Variants in PTP4A1 observed in about 807,000 individuals in gnomAD.
PTP4A1 encodes protein tyrosine phosphatase 4A1.
PTP4A1 carries 9 observed loss-of-function variants against 20.5 expected under a neutral mutation model. The ratio of observed to expected loss-of-function variants is 0.44; its 90% CI spans 0.26 to 0.77. PTP4A1 has a LOEUF of 0.77. Among genes scored for constraint, PTP4A1 ranks in the 30% least tolerant of loss-of-function variants. The pLI, the probability that PTP4A1 is intolerant of heterozygous loss-of-function variation, is 0.19. For synonymous variants in PTP4A1, 78 were observed against 67.4 expected (o/e 1.16, Z -0.77); for missense variants, 137 against 218.8 (o/e 0.63, Z 2.36).
At chr6:63,525,778 G>A (rs763901399) in intron 1 of PTP4A1, among the ~76,000 whole-genome samples, 22 of 152,020 alleles carry the variant, frequency 1.4e-4, no homozygotes, top group Non-Finnish European at 2.8e-4. Flanking sequence ...TCCCCTGTCA[G>A]TCCTCCAATA....
chr6:63,572,636 AGCCACC>A lies in PTP4A1; in HGVS notation c.-519_-514del, dbSNP rs1777527033. 4.8e-6 allele frequency: 2 copies of A among 419,664 alleles called. No individual in the cohort carries two copies. The highest frequency in any genetic ancestry group is 2.1e-5 in the African/African-American group (1 of 48,650). 26.0% of individuals were successfully genotyped at this position (419,664 alleles called of 1,614,324 possible). ...CGACCACCGCCGCCTCCTGCCCTGC[AGCCACC>A]GCCACCGCCTGTGTCGCCGCCGCCT... On this transcript the variant is annotated 5_prime_UTR_variant, in exon 1 of 6. Transcript: ENST00000626021.
At chr6:63,552,670 C>G (rs1323751764) in intron 3 of PTP4A1, among the ~76,000 whole-genome samples, 1 of 152,144 alleles carries the variant, frequency 6.6e-6, no homozygotes, top group South Asian at 2.1e-4. Flanking sequence ...GGTTTTAGTT[C>G]TAACATTTAA....
chr6:63,575,360 G>A (rs2149512983), intron 1 of PTP4A1, among the ~76,000 whole-genome samples: 1 of 152,252 alleles, frequency 6.6e-6, no homozygotes, highest in South Asian at 2.1e-4. Flanking sequence ...GAGTACACAA[G>A]TACCTTATAA....
At position 63,580,219 on chromosome 6, in the gene PTP4A1, C is replaced by T. The variant is rs776990512; in HGVS notation, c.*45C>T. 2 of 1,428,958 alleles carry T rather than the reference C, an allele frequency of 1.4e-6. No individual in the cohort carries two copies. The highest frequency in any genetic ancestry group is 2.3e-5 in the East Asian group (1 of 43,930). The allele number at this position is 1,428,958 out of a possible 1,614,324, so 88.5% of individuals were successfully genotyped here. On this transcript the variant is annotated 3_prime_UTR_variant, in exon 6 of 6. Transcript: ENST00000626021. Reference sequence around the variant, plus strand: ...ACTGGAAGTGGAACTTGAGATAGGGCCTAATTTGTTATACATATTAGCCAA... The same window carrying T: ...ACTGGAAGTGGAACTTGAGATAGGGTCTAATTTGTTATACATATTAGCCAA...
intron 3 of PTP4A1, among the ~76,000 whole-genome samples, chr6:63,555,841 G>A (rs1776664135): frequency 6.6e-6 from 1 of 151,778 alleles, no homozygotes; most frequent in Non-Finnish European, 1.5e-5. Flanking sequence ...TTACAGGTGT[G>A]TACCAGAATA....
chr6:63,537,474 G>T (rs1388413065), intron 2 of PTP4A1, among the ~76,000 whole-genome samples: 5 of 152,244 alleles, frequency 3.3e-5, no homozygotes, highest in Middle Eastern at 3.4e-3. Context: ...CAGGGTTTTG[G>T]CATCAATATG....
At chr6:63,541,026 AAAGGAAGG>A (rs60316277) in intron 2 of PTP4A1, among the ~76,000 whole-genome samples, 49 of 146,464 alleles carry the variant, frequency 3.3e-4, no homozygotes, top group Admixed American at 4.1e-4. Context: ...GGGAATGAAG[AAAGGAAGG>A]AAGGAAGGAA....
Position 63,581,240 on chromosome 6 carries a change from T to C in PTP4A1, c.*1066T>C, listed in dbSNP as rs1778206944. 1 of 152,612 alleles carries C rather than the reference T, an allele frequency of 6.6e-6. No individual in the cohort carries two copies. Among genetic ancestry groups the C allele is most frequent in the African/African-American group, 2.4e-5 (1 of 41,454 alleles). 9.5% of individuals were successfully genotyped at this position (152,612 alleles called of 1,614,324 possible). On this transcript the variant is annotated 3_prime_UTR_variant, in exon 6 of 6. Coordinates refer to ENST00000626021, the MANE Select transcript of PTP4A1 (RefSeq NM_003463.5). ...AATATTTTATATGCCTTTTGAGCTG[T>C]GTAACTTAATATTTGGATACTTGAC...
At chr6:63,577,098 C>T (rs1367380114) in intron 2 of PTP4A1, 113 bp downstream of exon 2, 2 of 753,638 alleles carry the variant, frequency 2.7e-6, no homozygotes, top group Admixed American at 5.7e-5. Flanking sequence ...CCTACAATTC[C>T]AGTTCCCAGA....
chr6:63,549,374 G>A, intron 2 of PTP4A1: 1 of 753,950 alleles, frequency 1.3e-6, no homozygotes, highest in Non-Finnish European at 2.4e-6. Context: ...CTTTTGGGCT[G>A]AATGTCCTGT....
At chr6:63,524,272 C>T (rs1426036974) in intron 1 of PTP4A1, among the ~76,000 whole-genome samples, 1 of 151,982 alleles carries the variant, frequency 6.6e-6, no homozygotes, top group Non-Finnish European at 1.5e-5. Context: ...GACGTGAGCC[C>T]CCATGCCCAG....
chr6:63,575,502 A>G (rs1284611815), intron 1 of PTP4A1, among the ~76,000 whole-genome samples: 1 of 152,192 alleles, frequency 6.6e-6, no homozygotes, highest in Non-Finnish European at 1.5e-5. Context: ...GAACTTAGAG[A>G]AAATATAAAT....
chr6:63,572,418 T>G (rs1215244459), upstream of PTP4A1: 1 of 351,100 alleles, frequency 2.8e-6, no homozygotes, highest in East Asian at 4.2e-5. Flanking sequence ...CAGGCCGCGA[T>G]TGGTGGCTGG....
At chr6:63,529,799 C>T (rs764841919) in intron 2 of PTP4A1, among the ~76,000 whole-genome samples, 66 of 152,074 alleles carry the variant, frequency 4.3e-4, no homozygotes, top group Non-Finnish European at 8.5e-4. Context: ...TACCCACATC[C>T]TATATTGGCA....
intron 3 of PTP4A1, among the ~76,000 whole-genome samples, chr6:63,563,605 C>G (rs996942239): frequency 6.6e-6 from 1 of 152,182 alleles, no homozygotes; most frequent in Admixed American, 6.5e-5. Flanking sequence ...TCTCTTTTCT[C>G]ACCTGTATAT....
At chr6:63,534,778 T>C (rs1218761180) in intron 2 of PTP4A1, among the ~76,000 whole-genome samples, 1 of 152,044 alleles carries the variant, frequency 6.6e-6, no homozygotes, top group Non-Finnish European at 1.5e-5. Flanking sequence ...TAAAATTTCT[T>C]TACTAAAGAA....
intron 2 of PTP4A1, among the ~76,000 whole-genome samples, chr6:63,537,175 T>A (rs1461462413): frequency 1.3e-5 from 2 of 152,168 alleles, no homozygotes; most frequent in Middle Eastern, 3.2e-3. Flanking sequence ...TTACAAGTAT[T>A]TTTAAGAGGG....
intron 1 of PTP4A1, among the ~76,000 whole-genome samples, chr6:63,576,037 A>G (rs1042348587): frequency 6.6e-6 from 1 of 151,412 alleles, no homozygotes; most frequent in Non-Finnish European, 1.5e-5. Context: ...TGTAATTACA[A>G]TGTAAAGAAA....
At chr6:63,577,857 ACACTAATATATAC>A (rs1777970470) in intron 2 of PTP4A1, among the ~76,000 whole-genome samples, 2 of 149,492 alleles carry the variant, frequency 1.3e-5, no homozygotes, top group African/African-American at 4.9e-5. Context: ...TATTATATAT[ACACTAATATATAC>A]TATATAGTGT....
Sources: allele counts gnomAD v4.1 joint callset (sites outside exome capture counted in the v4.1 genomes callset), GRCh38; gene constraint gnomAD v4.1.1; transcripts MANE v1.5; gene names NCBI Gene and HGNC (gene_info 2026-07-23, HGNC 2026-07-21).